SLC41A3: variants seen among roughly 807,000 people sequenced by gnomAD.
SLC41A3 encodes solute carrier family 41 member 3.
In SLC41A3, 44 loss-of-function variants were observed where a neutral mutation model predicts 45.4. That is an observed-to-expected ratio of 0.97 (90% confidence interval 0.76 to 1.25). The LOEUF (loss-of-function observed/expected upper bound fraction) is 1.25. Among genes scored for constraint, SLC41A3 ranks in the 50% most tolerant of loss-of-function variants. SLC41A3 has a pLI of 0.00. For missense variants in SLC41A3, 550 were observed against 600.6 expected, an observed-to-expected ratio of 0.92 and a Z score of 0.88; for synonymous variants, 256 against 252.4, an observed-to-expected ratio of 1.01 and a Z score of -0.13.
Position 126,007,165 on chromosome 3 carries a change from C to T in SLC41A3, c.1315G>A (p.Asp439Asn). Residue 439 changes from aspartate to asparagine, a missense_variant, in exon 11 of 11, where the codon GAT becomes AAT. Transcript: ENST00000360370. ...TAGGGGATGCAGTGGTTGTCAGGAT[C>T]CAGGGCCTGGTGCCAAGTCAGCCGA... ...MVRLTWHQAL[D>N]PDNHCIPYLT... 1 of 1,614,232 alleles carries T rather than the reference C, an allele frequency of 6.2e-7. No individual in the cohort carries two copies. The highest frequency in any genetic ancestry group is 8.5e-7 in the Non-Finnish European group (1 of 1,180,048).
chr3:126,035,087 G>T (rs1255806988), intron 3 of SLC41A3, among the ~76,000 whole-genome samples: 1 of 152,172 alleles, frequency 6.6e-6, no homozygotes, highest in Non-Finnish European at 1.5e-5. Context: ...CCACAGAGGT[G>T]GGAGAGAGAG....
chr3:126,017,591 C>T (rs1001798929), intron 6 of SLC41A3, among the ~76,000 whole-genome samples: 3 of 152,210 alleles, frequency 2.0e-5, no homozygotes, highest in African/African-American at 7.2e-5. Flanking sequence ...TGTTGTGCTC[C>T]GTGTGAGGGT....
intron 1 of SLC41A3, among the ~76,000 whole-genome samples, chr3:126,093,887 G>T (rs188156811): frequency 1.3e-5 from 2 of 152,284 alleles, no homozygotes; most frequent in Admixed American, 6.5e-5. Flanking sequence ...TAAAGATTTG[G>T]TAGATACAGG....
intron 5 of SLC41A3, chr3:126,025,510 T>A (rs1279028811): frequency 2.0e-5 from 3 of 151,304 alleles, no homozygotes; most frequent in African/African-American, 7.3e-5. Flanking sequence ...CATGTGGGAG[T>A]GTGGTGCTGT....
intron 1 of SLC41A3, among the ~76,000 whole-genome samples, chr3:126,082,514 G>A (rs1291508259): frequency 2.6e-5 from 4 of 152,210 alleles, no homozygotes; most frequent in Non-Finnish European, 5.9e-5. Flanking sequence ...GCTAGGCTGG[G>A]CAGGACAGGT....
At chr3:126,023,051 G>T in intron 5 of SLC41A3, 119 bp from the exon 6 acceptor site, 1 of 1,400,206 alleles carries the variant, frequency 7.1e-7, no homozygotes, top group Non-Finnish European at 9.7e-7. Context: ...TGGCAGGGAG[G>T]CTGCTCATTA....
chr3:126,071,104 G>T (rs946257577), intron 1 of SLC41A3, among the ~76,000 whole-genome samples: 1 of 152,086 alleles, frequency 6.6e-6, no homozygotes, highest in Non-Finnish European at 1.5e-5. Flanking sequence ...AAAGACATTA[G>T]ACAGACAGAA....
chr3:126,017,322 C>G (rs1429137773), intron 6 of SLC41A3, among the ~76,000 whole-genome samples: 1 of 152,230 alleles, frequency 6.6e-6, no homozygotes, highest in Admixed American at 6.5e-5. Context: ...GCCTAGACAG[C>G]AAGCAGCCCC....
At chr3:126,047,172 G>C (rs956465161) in intron 3 of SLC41A3, among the ~76,000 whole-genome samples, 4 of 152,048 alleles carry the variant, frequency 2.6e-5, no homozygotes, top group Non-Finnish European at 5.9e-5. Flanking sequence ...AGACCAACCT[G>C]GGCAACATGG....
At chr3:126,094,584 C>CA (rs921796802) in intron 1 of SLC41A3, among the ~76,000 whole-genome samples, 15 of 152,042 alleles carry the variant, frequency 9.9e-5, no homozygotes, top group Non-Finnish European at 1.9e-4. Context: ...GCTGTAATTC[C>CA]AAAAAAATGG....
intron 4 of SLC41A3, among the ~76,000 whole-genome samples, chr3:126,032,769 TATC>T (rs1372866976): frequency 6.6e-6 from 1 of 152,126 alleles, no homozygotes; most frequent in Non-Finnish European, 1.5e-5. Context: ...ATAAAGTAGG[TATC>T]ATTCTAATGT....
intron 3 of SLC41A3, among the ~76,000 whole-genome samples, chr3:126,044,462 T>C (rs1478308754): frequency 1.3e-5 from 2 of 152,242 alleles, no homozygotes; most frequent in East Asian, 1.9e-4. Context: ...TGACTGGACC[T>C]AAAAGAAAAT....
At chr3:126,074,453 G>A (rs1944778442) in intron 1 of SLC41A3, among the ~76,000 whole-genome samples, 1 of 151,836 alleles carries the variant, frequency 6.6e-6, no homozygotes, top group African/African-American at 2.4e-5. Context: ...ATTCAGCAAG[G>A]AAAAGAAATG....
At chr3:126,018,467 T>C (rs1940529976) in intron 6 of SLC41A3, among the ~76,000 whole-genome samples, 1 of 152,248 alleles carries the variant, frequency 6.6e-6, no homozygotes, top group Non-Finnish European at 1.5e-5. Context: ...ACATCACTGC[T>C]GGCAGGCAAC....
chr3:126,060,360 G>A (rs1178917061), intron 2 of SLC41A3, among the ~76,000 whole-genome samples: 6 of 152,078 alleles, frequency 3.9e-5, no homozygotes, highest in East Asian at 1.9e-4. Context: ...CGGAGGTTGC[G>A]GTGAGCTGAG....
At chr3:126,079,320 A>G (rs1031577970) in intron 1 of SLC41A3, among the ~76,000 whole-genome samples, 3 of 152,054 alleles carry the variant, frequency 2.0e-5, no homozygotes, top group Non-Finnish European at 4.4e-5. Context: ...GAAAGCAAAA[A>G]CCAAAGGGGA....
intron 3 of SLC41A3, among the ~76,000 whole-genome samples, chr3:126,034,726 T>G (rs1421738525): frequency 2.0e-5 from 3 of 152,264 alleles, no homozygotes; most frequent in African/African-American, 7.2e-5. Flanking sequence ...CACTGAGACC[T>G]AAGTGTGCCT....
intron 9 of SLC41A3, among the ~76,000 whole-genome samples, chr3:126,011,476 T>C (rs921864651): frequency 6.6e-6 from 1 of 152,098 alleles, no homozygotes; most frequent in Non-Finnish European, 1.5e-5. Context: ...TAACAGAGGA[T>C]CTAACATTCA....
At chr3:126,100,300 C>T (rs1945683934) in intron 1 of SLC41A3, among the ~76,000 whole-genome samples, 1 of 152,106 alleles carries the variant, frequency 6.6e-6, no homozygotes, top group Non-Finnish European at 1.5e-5. Context: ...TGTGGCCAGC[C>T]TTTGATTCTG....
Sources: allele counts gnomAD v4.1 joint callset (sites outside exome capture counted in the v4.1 genomes callset), GRCh38; gene constraint gnomAD v4.1.1; transcripts MANE v1.5; gene names NCBI Gene and HGNC (gene_info 2026-07-23, HGNC 2026-07-21).